THOC2: variants seen among roughly 807,000 people sequenced by gnomAD.
THOC2 encodes the protein THO complex subunit 2, also known as THO complex 2.
THOC2 carries 10 observed loss-of-function variants against 128.4 expected under a neutral mutation model. The observed-to-expected ratio is 0.08, with a 90% confidence interval of 0.05 to 0.13. THOC2 has a LOEUF of 0.13. Ranked by LOEUF, THOC2 falls within the 10% of genes least tolerant of loss-of-function variation. THOC2 has a pLI of 1.00. For missense variants in THOC2, 535 were observed against 1,155.7 expected (o/e 0.46, Z 7.79); for synonymous variants, 393 against 396.9 (o/e 0.99, Z 0.12).
chrX:123,636,643 T>C (rs1457325424), intron 18 of THOC2, among the ~76,000 whole-genome samples: 1 of 111,598 alleles, frequency 9.0e-6, no homozygotes, highest in Non-Finnish European at 1.9e-5. Flanking sequence ...TCTTGGAACA[T>C]GCTACTAGTT....
intron 18 of THOC2, 117 bp downstream of exon 18, chrX:123,637,926 T>C: frequency 2.0e-6 from 1 of 495,014 alleles, no homozygotes; most frequent in Non-Finnish European, 3.3e-6. Context: ...AGCTAGATAT[T>C]CTCAGCAACT....
intron 38 of THOC2, chrX:123,603,583 G>A (rs761776671): frequency 4.9e-6 from 4 of 819,331 alleles, no homozygotes; most frequent in East Asian, 6.5e-5. Flanking sequence ...GGAATGTCTC[G>A]TCAAGAGGAT....
chrX:123,620,836 G>A, intron 32 of THOC2, 71 bp downstream of exon 32: 2 of 1,019,371 alleles, frequency 2.0e-6, no homozygotes, highest in South Asian at 4.5e-5. Context: ...AAGACTTGAA[G>A]GAAGTCAGGA....
intron 7 of THOC2, among the ~76,000 whole-genome samples, chrX:123,694,870 G>C (rs780762141): frequency 8.9e-6 from 1 of 112,175 alleles, no homozygotes; most frequent in African/African-American, 3.2e-5. Flanking sequence ...GCTCATGCCT[G>C]TAATCCCAGT....
In THOC2 at chrX:123,622,686, G is replaced by A. The variant is rs757740134; in HGVS notation, c.3785+72C>T. 7.6e-5 allele frequency: 61 copies of A among 800,120 alleles called. No individual in the cohort carries two copies. The East Asian group carries it at 1.2e-3, about 15-fold the overall frequency. 65.9% of individuals were successfully genotyped at this position (800,120 alleles called of 1,213,427 possible). A position where few individuals can be genotyped will look rare whatever the true frequency, so the allele number is the denominator to read the frequency against. On this transcript the variant is annotated intron_variant, in intron 30 of 38. Transcript: ENST00000245838. ...TGGGCAACATTGCAAGACCAACCCCGTCTCAAAAAAATACATAAAAATCAT... is the reference window on the plus strand; with the variant it reads ...TGGGCAACATTGCAAGACCAACCCCATCTCAAAAAAATACATAAAAATCAT...
intron 12 of THOC2, among the ~76,000 whole-genome samples, chrX:123,659,272 T>C (rs1603279916): frequency 8.9e-6 from 1 of 112,389 alleles, no homozygotes; most frequent in East Asian, 2.8e-4. Flanking sequence ...GGCCCAACAA[T>C]TTATTTTAAC....
chrX:123,721,936 T>C lies in THOC2; in HGVS notation c.72-9028A>G, dbSNP rs776180973. ...TAAAGCACTTGTGCGATTGTTTGAA[T>C]TGCAAGCTGAACTAGCTTGTTTTTA... On this transcript the variant is annotated intron_variant, in intron 1 of 38. Transcript: ENST00000245838. Among the ~76,000 whole-genome samples the C allele has an allele frequency of 8.9e-5, 10 of 112,419 alleles. No individual in the cohort carries two copies. In the East Asian group the frequency reaches 2.8e-3, roughly 31 times the overall value.
intron 13 of THOC2, among the ~76,000 whole-genome samples, 180 bp downstream of exon 13, chrX:123,645,153 CA>C (rs1427090198): frequency 8.9e-6 from 1 of 111,880 alleles, no homozygotes; most frequent in African/African-American, 3.2e-5. Flanking sequence ...TTTTCAACAT[CA>C]GGGGAAAAAA....
At chrX:123,601,368 G>GACA (rs2046263155) in intron 38 of THOC2, 30 bp from the exon 39 acceptor site, 2 of 108,214 alleles carry the variant, frequency 1.8e-5, no homozygotes, top group African/African-American at 6.8e-5. Flanking sequence ...TATATTGATA[G>GACA]AGAAGAAGGA....
chrX:123,707,517 A>G (rs1233893631), intron 2 of THOC2, among the ~76,000 whole-genome samples: 1 of 112,021 alleles, frequency 8.9e-6, no homozygotes, highest in Non-Finnish European at 1.9e-5. Flanking sequence ...CAAAAAATAC[A>G]TGTATAAAAT....
intron 8 of THOC2, among the ~76,000 whole-genome samples, chrX:123,679,946 CA>C (rs1319528915): frequency 1.8e-5 from 2 of 112,269 alleles, no homozygotes; most frequent in Non-Finnish European, 3.8e-5. Flanking sequence ...CCACTGCACA[CA>C]AAACACTGCG....
At chrX:123,625,849 T>C (rs200167856) in intron 25 of THOC2, 63 bp downstream of exon 25, 208 of 1,084,361 alleles carry the variant, frequency 1.9e-4, no homozygotes, top group Non-Finnish European at 2.4e-4. Context: ...ATAATACCTC[T>C]ATAAATTATA....
At chrX:123,628,333 G>C (rs763604574) in intron 22 of THOC2, among the ~76,000 whole-genome samples, 1 of 111,585 alleles carries the variant, frequency 9.0e-6, no homozygotes, top group Admixed American at 9.5e-5. Context: ...TCCTGCTTTT[G>C]AGATATTCAA....
At chrX:123,706,974 T>C (rs1005577280) in intron 2 of THOC2, 25 bp from the exon 3 acceptor site, 2 of 834,953 alleles carry the variant, frequency 2.4e-6, no homozygotes, top group Non-Finnish European at 3.4e-6. Flanking sequence ...AGAAATAATG[T>C]AAGGATACAG....
chrX:123,651,478 C>T (rs756819500), intron 12 of THOC2, among the ~76,000 whole-genome samples: 1 of 111,356 alleles, frequency 9.0e-6, no homozygotes, highest in South Asian at 3.8e-4. Flanking sequence ...GATAGAGACA[C>T]AAAAAACCCT....
intron 16 of THOC2, 95 bp from the exon 17 acceptor site, chrX:123,639,122 G>C (rs748061345): frequency 2.7e-6 from 1 of 366,491 alleles, no homozygotes; most frequent in Non-Finnish European, 4.9e-6. Flanking sequence ...TTTTTCAAAA[G>C]AAATAATGCT....
intron 12 of THOC2, among the ~76,000 whole-genome samples, chrX:123,662,034 C>A (rs1199757971): frequency 8.9e-6 from 1 of 111,817 alleles, no homozygotes; most frequent in Non-Finnish European, 1.9e-5. Context: ...TATAAAAAGC[C>A]AAGTCAAATA....
At position 123,715,836 on chromosome X, in the gene THOC2, GT is replaced by G. The variant is rs778279973; in HGVS notation, c.72-2929del. 1.0e-4 allele frequency among the ~76,000 whole-genome samples: 11 copies of G among 105,899 alleles called. No homozygotes were observed. The East Asian group carries it at 1.5e-3, about 14-fold the overall frequency. The allele number at this position is 105,899 out of a possible 115,157, so 92.0% of individuals were successfully genotyped here. On this transcript the variant is annotated intron_variant, in intron 1 of 38. Transcript: ENST00000245838. ...ATGAAAAAAATCAATAAAATTAAGA[GT>G]TTTTTTTAAAAAAAGATCAACAAAA...
chrX:123,612,128 G>A (rs910090424), intron 36 of THOC2, among the ~76,000 whole-genome samples: 2 of 111,462 alleles, frequency 1.8e-5, no homozygotes, highest in Non-Finnish European at 3.8e-5. Flanking sequence ...TCCTCAAAAA[G>A]TTAAACATAG....
Sources: allele counts gnomAD v4.1 joint callset (sites outside exome capture counted in the v4.1 genomes callset), GRCh38; gene constraint gnomAD v4.1.1; transcripts MANE v1.5; gene names NCBI Gene and HGNC (gene_info 2026-07-23, HGNC 2026-07-21).